Variants in TMEM132C observed in about 807,000 individuals in gnomAD.
TMEM132C encodes the protein transmembrane protein 132C, also known as protein phosphatase 1, regulatory subunit 152.
Under a neutral mutation model 61.4 loss-of-function variants are expected in TMEM132C, and 29 were observed. That is an observed-to-expected ratio of 0.47 (90% CI 0.35 to 0.64). The LOEUF (loss-of-function observed/expected upper bound fraction) is 0.64, where lower values mean the gene tolerates loss of function less well. Among genes scored for constraint, TMEM132C ranks in the 30% least tolerant of loss-of-function variants. The pLI is 0.00. For missense variants in TMEM132C, 1,408 were observed against 1,476.9 expected, an observed-to-expected ratio of 0.95 and a Z score of 0.76; for synonymous variants, 656 against 633.1, an observed-to-expected ratio of 1.04 and a Z score of -0.54.
intron 1 of TMEM132C, among the ~76,000 whole-genome samples, chr12:128,319,005 T>C (rs944797952): frequency 2.0e-5 from 3 of 152,120 alleles, no homozygotes; most frequent in African/African-American, 7.2e-5. Flanking sequence ...ATCATGACAG[T>C]TGGGTGGATC....
chr12:128,364,134 C>A (rs886472263), intron 1 of TMEM132C, among the ~76,000 whole-genome samples: 24 of 152,244 alleles, frequency 1.6e-4, no homozygotes, highest in African/African-American at 5.8e-4. Context: ...GGTTCAGGAT[C>A]CCGCATCTGA....
intron 1 of TMEM132C, among the ~76,000 whole-genome samples, chr12:128,287,274 CT>C (rs1324068834): frequency 3.3e-5 from 5 of 152,174 alleles, no homozygotes; most frequent in African/African-American, 9.7e-5. Context: ...CCTGCCCACT[CT>C]GTATAAAGTA....
chr12:128,406,566 G>A (rs1875352742), intron 1 of TMEM132C, among the ~76,000 whole-genome samples: 1 of 152,218 alleles, frequency 6.6e-6, no homozygotes, highest in Non-Finnish European at 1.5e-5. Flanking sequence ...TAGAAGAGGT[G>A]AGGTGGATCT....
chr12:128,386,630 T>C (rs552703421), intron 1 of TMEM132C, among the ~76,000 whole-genome samples: 42 of 152,336 alleles, frequency 2.8e-4, no homozygotes, highest in African/African-American at 9.1e-4. Context: ...GGGCTGGGAT[T>C]GTTCTACACG....
chr12:128,670,673 C>T (rs1043925931), intron 5 of TMEM132C, among the ~76,000 whole-genome samples: 1 of 152,186 alleles, frequency 6.6e-6, no homozygotes, highest in African/African-American at 2.4e-5. Context: ...ACCCACTCAT[C>T]CCTTGATAGA....
At position 128,595,882 on chromosome 12, in the gene TMEM132C, C is replaced by T. The variant is rs1875926171; in HGVS notation, c.1122-20270C>T. Among the ~76,000 whole-genome samples, 3 of 152,238 alleles carry T rather than the reference C, an allele frequency of 2.0e-5. 1 individual carries two copies. In the South Asian group the frequency reaches 6.2e-4, roughly 31 times the overall value. ...GGAGCATCCCCCAGAACGTAGCCTC[C>T]CATCACAGCTCCATACAGTAGGAGA... On this transcript the variant is annotated intron_variant, in intron 3 of 8. Transcript: ENST00000435159.
At chr12:128,529,400 G>T (rs921761343) in intron 2 of TMEM132C, among the ~76,000 whole-genome samples, 2 of 151,916 alleles carry the variant, frequency 1.3e-5, no homozygotes, top group Non-Finnish European at 2.9e-5. Context: ...CCAGAATATG[G>T]GTATTCTATA....
chr12:128,672,995 C>T (rs2135633340), intron 5 of TMEM132C, among the ~76,000 whole-genome samples: 1 of 152,346 alleles, frequency 6.6e-6, no homozygotes, highest in East Asian at 1.9e-4. Flanking sequence ...TCTTTCTGCA[C>T]CAGTTGCCTG....
intron 2 of TMEM132C, among the ~76,000 whole-genome samples, chr12:128,419,891 G>A (rs200455449): frequency 6.6e-6 from 1 of 152,070 alleles, no homozygotes; most frequent in Admixed American, 6.6e-5. Flanking sequence ...AGTTAGGGGA[G>A]ATAAAAATAA....
chr12:128,312,094 T>C (rs1424977508), intron 1 of TMEM132C, among the ~76,000 whole-genome samples: 1 of 152,124 alleles, frequency 6.6e-6, no homozygotes, highest in Non-Finnish European at 1.5e-5. Flanking sequence ...AAGGATACCA[T>C]TGAGAACCTT....
At chr12:128,341,966 G>A (rs2135955095) in intron 1 of TMEM132C, among the ~76,000 whole-genome samples, 1 of 150,990 alleles carries the variant, frequency 6.6e-6, no homozygotes, top group Non-Finnish European at 1.5e-5. Flanking sequence ...CACTACCACA[G>A]TCAACTCCAC....
chr12:128,502,013 A>C (rs1337994491), intron 2 of TMEM132C, among the ~76,000 whole-genome samples: 2 of 152,238 alleles, frequency 1.3e-5, no homozygotes, highest in East Asian at 3.8e-4. Context: ...GTGCAAGGTG[A>C]TGATGGCTAC....
chr12:128,362,226 T>C (rs1873727909), intron 1 of TMEM132C, among the ~76,000 whole-genome samples: 1 of 151,936 alleles, frequency 6.6e-6, no homozygotes, highest in Non-Finnish European at 1.5e-5. Flanking sequence ...CAATAGACAG[T>C]GAGCAAACGG....
chr12:128,340,920 C>CTT lies in TMEM132C; in HGVS notation c.85+73434_85+73435insTT, dbSNP rs1320662577. Among the ~76,000 whole-genome samples the CTT allele has an allele frequency of 6.0e-3, 542 of 89,696 alleles. 11 individuals are homozygous for CTT. The highest frequency in any genetic ancestry group is 0.021 in the African/African-American group (514 of 24,824). 58.8% of individuals were successfully genotyped at this position (89,696 alleles called of 152,430 possible). On this transcript the variant is annotated intron_variant, in intron 1 of 8. Coordinates refer to ENST00000435159, the MANE Select transcript of TMEM132C (RefSeq NM_001136103.3). ...TTTCTCTCTTTCTCTCTCTCTTTCT[C>CTT]TCTCTCTCTCTCTCTCTCTCTCTCT...
chr12:128,280,150 C>T (rs1326422580), intron 1 of TMEM132C, among the ~76,000 whole-genome samples: 4 of 152,158 alleles, frequency 2.6e-5, no homozygotes, highest in Non-Finnish European at 4.4e-5. Flanking sequence ...TCTCTGAAGG[C>T]CACCATTTTA....
rs73426420 is a variant in TMEM132C at position 128,544,041 on chromosome 12, C to T, written c.1059C>T (p.Ser353=). The part of the protein sequence containing the change: ...RQWGVKQEVG[S]GGKHVTATVA... ...GGGGCGTCAAGCAGGAGGTGGGCAG[C>T]GGCGGAAAGCACGTGACGGCCACCG... The change falls in exon 3 of 9, where the codon AGC becomes AGT. Residue 353 remains serine, a synonymous_variant. Coordinates refer to ENST00000435159, the MANE Select transcript of TMEM132C (RefSeq NM_001136103.3). 207,299 of 1,546,524 alleles carry T rather than the reference C, an allele frequency of 0.13. 14,843 individuals carry two copies. The highest frequency in any genetic ancestry group is 0.26 in the East Asian group (10,587 of 40,384).
At chr12:128,663,678 T>A (rs1954417041) in intron 4 of TMEM132C, among the ~76,000 whole-genome samples, 1 of 151,410 alleles carries the variant, frequency 6.6e-6, no homozygotes, top group Non-Finnish European at 1.5e-5. Context: ...ATTACTTCTA[T>A]GTATAGGTAC....
At chr12:128,632,095 G>T (rs980075799) in intron 4 of TMEM132C, among the ~76,000 whole-genome samples, 4 of 152,186 alleles carry the variant, frequency 2.6e-5, no homozygotes, top group Non-Finnish European at 5.9e-5. Context: ...GTAGCATACC[G>T]ATCTCTATTG....
intron 3 of TMEM132C, among the ~76,000 whole-genome samples, chr12:128,591,356 A>C (rs1875743637): frequency 6.6e-6 from 1 of 151,922 alleles, no homozygotes. Flanking sequence ...GTGTCAGTGG[A>C]ATCATAGTGT....
Sources: allele counts gnomAD v4.1 joint callset (sites outside exome capture counted in the v4.1 genomes callset), GRCh38; gene constraint gnomAD v4.1.1; transcripts MANE v1.5; gene names NCBI Gene and HGNC (gene_info 2026-07-23, HGNC 2026-07-21).